Variants in UBXN6 observed in about 807,000 individuals in gnomAD.
UBXN6 encodes the protein UBX domain protein 6, also known as UBX domain-containing protein 6.
A neutral mutation model predicts 51.4 loss-of-function variants in UBXN6; 44 were observed. The ratio of observed to expected loss-of-function variants is 0.86; its 90% CI spans 0.67 to 1.10. The LOEUF is 1.10. Among genes scored for constraint, UBXN6 ranks in the 50% least tolerant of loss-of-function variants. The pLI, the probability that UBXN6 is intolerant of heterozygous loss-of-function variation, is 0.00. For synonymous variants in UBXN6, 316 were observed against 263.2 expected, an observed-to-expected ratio of 1.20 and a Z score of -1.94; for missense variants, 672 against 596.1, an observed-to-expected ratio of 1.13 and a Z score of -1.32.
At position 4,446,136 on chromosome 19, in the gene UBXN6, C is replaced by CT. The variant is rs755312992; in HGVS notation, c.1112dup (p.Ser372GlufsTer7). The stretch of plus-strand genomic sequence containing the variant: ...GCAGCTCAAAAGGCAGCCAGTCGCT[C>CT]TGCAGGGCCTCCCGGACGAACCCGT... On this transcript the variant is annotated frameshift_variant, in exon 10 of 11. Transcript: ENST00000301281. LOFTEE classifies it high-confidence loss of function. 5.0e-6 allele frequency: 8 copies of CT among 1,612,234 alleles called. No homozygotes were observed. Among genetic ancestry groups the CT allele is most frequent in the Non-Finnish European group, 6.8e-6 (8 of 1,179,882 alleles).
In UBXN6 at chr19:4,447,576, T is replaced by C. The variant is rs1974562279; in HGVS notation, c.589A>G (p.Ile197Val). Reference sequence around the variant, plus strand: ...TGAAACACCTTGTTCTGCAGCTTGATCTTCCGGTACTTCTCCTCCTCGGGG... The same window carrying C: ...TGAAACACCTTGTTCTGCAGCTTGACCTTCCGGTACTTCTCCTCCTCGGGG... Reference protein sequence around the residue: ...LHPEEEKYRKIKLQNKVFQER... With the variant: ...LHPEEEKYRKVKLQNKVFQER... The change falls in exon 6 of 11, where the codon ATC becomes GTC. Residue 197 changes from isoleucine to valine, a missense_variant. Transcript: ENST00000301281. 6.2e-7 allele frequency: 1 copy of C among 1,613,706 alleles called. No individual in the cohort carries two copies. Among genetic ancestry groups the C allele is most frequent in the South Asian group, 1.1e-5 (1 of 91,088 alleles).
chr19:4,446,199 TG>T lies in UBXN6; in HGVS notation c.1052-3del. ...GCCGCTCCCGAGCGTAGAAAGTGCC[TG>T]GGGAGTGGGGGAGTCAGAGCGGGTG... On this transcript the variant is annotated splice_region_variant and splice_polypyrimidine_tract_variant and intron_variant, in intron 9 of 10. Coordinates refer to ENST00000301281, the MANE Select transcript of UBXN6 (RefSeq NM_025241.3). 1 of 1,600,010 alleles carries T rather than the reference TG, an allele frequency of 6.2e-7. No homozygotes were observed.
chr19:4,451,151 G>A (rs1195652058), intron 4 of UBXN6, among the ~76,000 whole-genome samples: 2 of 152,182 alleles, frequency 1.3e-5, no homozygotes, highest in African/African-American at 2.4e-5. Flanking sequence ...CCACCTCCCA[G>A]GTTCAAGCGA....
chr19:4,446,444 G>T (rs762486253), intron 8 of UBXN6, 31 bp from the exon 9 acceptor site: 3 of 1,579,666 alleles, frequency 1.9e-6, no homozygotes, highest in Non-Finnish European at 2.6e-6. Flanking sequence ...ACGAGGGCTG[G>T]CCGGGGTTCT....
chr19:4,448,590 A>G, intron 4 of UBXN6, 175 bp from the exon 5 acceptor site: 1 of 624,230 alleles, frequency 1.6e-6, no homozygotes, highest in Non-Finnish European at 2.8e-6. Context: ...AGCCCTGCCC[A>G]CGCCCCAGGG....
intron 4 of UBXN6, chr19:4,448,968 G>C (rs1974599425): frequency 6.5e-6 from 1 of 154,796 alleles, no homozygotes; most frequent in Non-Finnish European, 1.4e-5. Context: ...GCTGGAAGAC[G>C]GATACCCCCA....
chr19:4,447,921 G>A (rs1173606119), intron 5 of UBXN6: 6 of 505,694 alleles, frequency 1.2e-5, no homozygotes, highest in African/African-American at 5.8e-5. Context: ...CGGAAGAGTG[G>A]AGAGCCAGAG....
chr19:4,445,884 G>C, intron 10 of UBXN6, 165 bp downstream of exon 10: 1 of 1,212,412 alleles, frequency 8.2e-7, no homozygotes, highest in Non-Finnish European at 1.1e-6. Context: ...GAACTTGCTC[G>C]AGGCCCTGCT....
At chr19:4,452,962 G>T (rs914203225) in intron 3 of UBXN6, among the ~76,000 whole-genome samples, 1 of 152,168 alleles carries the variant, frequency 6.6e-6, no homozygotes, top group Non-Finnish European at 1.5e-5. Context: ...TCCTTTCAGC[G>T]GAGCTCTGAA....
chr19:4,449,425 C>A (rs1464559169), intron 4 of UBXN6: 1 of 152,464 alleles, frequency 6.6e-6, no homozygotes, highest in Admixed American at 6.5e-5. Context: ...AGCCGGGGCT[C>A]ATGCCAACTG....
At position 4,448,311 on chromosome 19, in the gene UBXN6, C is replaced by T. The variant is rs755604057; in HGVS notation, c.539+7G>A. 2.3e-5 allele frequency: 37 copies of T among 1,599,030 alleles called. No homozygotes were observed. The highest frequency in any genetic ancestry group is 1.1e-4 in the East Asian group (5 of 44,092). On this transcript the variant is annotated splice_region_variant and intron_variant, in intron 5 of 10. Transcript: ENST00000301281. ...GGCCAGGCAGGGCAAAGGGGCCACA[C>T]GCTCACTTGGCAATGGTGTCCACAC...
intron 4 of UBXN6, chr19:4,448,686 T>C (rs977913746): frequency 2.0e-5 from 10 of 500,436 alleles, no homozygotes; most frequent in African/African-American, 1.5e-4. Context: ...TGGAAGCCAG[T>C]GTGACGCGAC....
chr19:4,447,458 A>T, intron 6 of UBXN6, 92 bp downstream of exon 6: 1 of 1,390,622 alleles, frequency 7.2e-7, no homozygotes, highest in Non-Finnish European at 1.0e-6. Flanking sequence ...TCCTCCAGGG[A>T]GCCCACCGCC....
In UBXN6 at chr19:4,447,543, C is replaced by T. The variant is rs201700000; in HGVS notation, c.615+7G>A. 88 of 1,613,170 alleles carry T rather than the reference C, an allele frequency of 5.5e-5. No homozygotes were observed. Among genetic ancestry groups the T allele is most frequent in the East Asian group, 5.1e-4 (23 of 44,836 alleles). ...CCTGGGCCCCGGGGGCCAGAAGGCACGCCCACCTGAAACACCTTGTTCTGC... is the reference window on the plus strand; with the variant it reads ...CCTGGGCCCCGGGGGCCAGAAGGCATGCCCACCTGAAACACCTTGTTCTGC... On this transcript the variant is annotated splice_region_variant and intron_variant, in intron 6 of 10. Transcript: ENST00000301281.
intron 10 of UBXN6, 115 bp from the exon 11 acceptor site, chr19:4,445,738 G>A (rs1974496862): frequency 3.3e-6 from 5 of 1,498,108 alleles, no homozygotes; most frequent in Non-Finnish European, 2.7e-6. Flanking sequence ...ATCTCAGCTG[G>A]TGGAGGCTGT....
chr19:4,452,638 C>A (rs945844742), intron 3 of UBXN6, 146 bp from the exon 4 acceptor site: 4 of 1,189,426 alleles, frequency 3.4e-6, no homozygotes, highest in Non-Finnish European at 4.5e-6. Flanking sequence ...GTGGGAGACA[C>A]CCTGGCCAAG....
intron 3 of UBXN6, 72 bp downstream of exon 3, chr19:4,453,386 A>G: frequency 1.9e-6 from 3 of 1,539,274 alleles, no homozygotes; most frequent in Non-Finnish European, 2.7e-6. Flanking sequence ...CAGAGGCCAC[A>G]TCTCCCCCGT....
intron 5 of UBXN6, chr19:4,447,890 G>A: frequency 1.9e-6 from 1 of 528,292 alleles, no homozygotes. Context: ...ATTAACCACA[G>A]CGGTGGGGAA....
rs1974498302 is a variant in UBXN6 at position 4,445,795 on chromosome 19, C to G, written c.1201-172G>C. 10 of 1,188,260 alleles carry G rather than the reference C, an allele frequency of 8.4e-6. No homozygotes were observed. The South Asian group carries it at 1.1e-4, about 13-fold the overall frequency. 73.6% of individuals were successfully genotyped at this position (1,188,260 alleles called of 1,614,324 possible). On this transcript the variant is annotated intron_variant, in intron 10 of 10. Transcript: ENST00000301281. ...CCCTCTCCCTCCGGGACTCCAGGAC[C>G]TAAGCCTAAACCTACTGCACTAGCT... is the stretch of plus-strand genomic sequence containing the variant.
Sources: gnomAD v4.1 joint callset for allele counts (sites outside exome capture counted in the v4.1 genomes callset) on GRCh38, gnomAD v4.1.1 for gene constraint, MANE v1.5 for transcripts, NCBI Gene and HGNC (gene_info 2026-07-23, HGNC 2026-07-21) for gene names.